PPARGC1B: variants seen among roughly 807,000 people sequenced by gnomAD.
PPARGC1B encodes the protein peroxisome proliferator-activated receptor gamma coactivator 1-beta.
In PPARGC1B, 34 loss-of-function variants were observed where a neutral mutation model predicts 101.6. The observed-to-expected ratio is 0.33, with a 90% confidence interval of 0.25 to 0.45. PPARGC1B has a LOEUF of 0.45. PPARGC1B is among the 20% of genes least tolerant of loss of function. The probability of loss-of-function intolerance (pLI) is 1.00; values close to 1 mark genes in which losing one functional copy is unlikely to be tolerated. For synonymous variants in PPARGC1B, 548 were observed against 539.3 expected (o/e 1.02, Z -0.22); for missense variants, 1,234 against 1,317.6 (o/e 0.94, Z 0.98).
Position 149,730,564 on chromosome 5 carries a change from C to T in PPARGC1B, c.78+144C>T. ...GCTGCAGAGCCCCCCTTCCAGGCGCCCTGCGATGCGCTCCGTTACCGGGGC... is the reference window on the plus strand; with the variant it reads ...GCTGCAGAGCCCCCCTTCCAGGCGCTCTGCGATGCGCTCCGTTACCGGGGC... On this transcript the variant is annotated intron_variant, in intron 1 of 11. Coordinates refer to ENST00000309241, the MANE Select transcript of PPARGC1B (RefSeq NM_133263.4). This position sits in a 1 kb window ranked among gnomAD's most constrained non-coding sequence, Gnocchi z 4.0. 2 of 594,276 alleles carry T rather than the reference C, an allele frequency of 3.4e-6. No homozygotes were observed. The highest frequency in any genetic ancestry group is 5.6e-6 in the Non-Finnish European group (2 of 358,128). 36.8% of individuals were successfully genotyped at this position (594,276 alleles called of 1,614,324 possible).
At position 149,847,871 on chromosome 5, in the gene PPARGC1B, G is replaced by A. The variant is rs1759630664; in HGVS notation, c.*313G>A. The A allele has an allele frequency of 2.6e-6, 1 of 379,040 alleles. No individual in the cohort carries two copies. The allele number at this position is 379,040 out of a possible 1,614,324, so 23.5% of individuals were successfully genotyped here. On this transcript the variant is annotated 3_prime_UTR_variant, in exon 12 of 12. Coordinates refer to ENST00000309241, the MANE Select transcript of PPARGC1B (RefSeq NM_133263.4). Reference sequence around the variant, plus strand: ...ACCCATCGCCCCTTCCTTCCCGACTGACTTCCTCTCGTAGACTTGCAGCTG... The same window carrying A: ...ACCCATCGCCCCTTCCTTCCCGACTAACTTCCTCTCGTAGACTTGCAGCTG...
chr5:149,759,712 C>T (rs1021846651), intron 1 of PPARGC1B, among the ~76,000 whole-genome samples: 2 of 152,212 alleles, frequency 1.3e-5, no homozygotes, highest in South Asian at 2.1e-4. Context: ...TTGAAAATGA[C>T]CCACATCCTT....
chr5:149,839,690 T>TA (rs1009133455), intron 8 of PPARGC1B, among the ~76,000 whole-genome samples: 2 of 151,524 alleles, frequency 1.3e-5, no homozygotes, highest in South Asian at 2.1e-4. Flanking sequence ...TCATGGGGTT[T>TA]AAAAAAAAAT....
At chr5:149,739,602 T>A (rs1463656248) in intron 1 of PPARGC1B, among the ~76,000 whole-genome samples, 1 of 152,084 alleles carries the variant, frequency 6.6e-6, no homozygotes. Flanking sequence ...ATTTCCAGTG[T>A]CAGGTCTTGC....
chr5:149,755,052 C>CATACATATATATATATATAT (rs1554132275), intron 1 of PPARGC1B, among the ~76,000 whole-genome samples: 1 of 108,956 alleles, frequency 9.2e-6, no homozygotes, highest in African/African-American at 3.8e-5. Context: ...TATACATATA[C>CATACATATATATATATATAT]ATATATATAT....
intron 10 of PPARGC1B, among the ~76,000 whole-genome samples, chr5:149,842,876 C>T (rs1759405841): frequency 6.6e-6 from 1 of 152,234 alleles, no homozygotes. Flanking sequence ...AGCAGCAAGT[C>T]CCAGGCCTTG....
chr5:149,792,627 T>A (rs1354120724), intron 1 of PPARGC1B, among the ~76,000 whole-genome samples: 3 of 152,230 alleles, frequency 2.0e-5, no homozygotes, highest in Admixed American at 2.0e-4. Flanking sequence ...AGTTTTCCCA[T>A]CTGCAAAGTG....
At chr5:149,761,274 G>C (rs1336227613) in intron 1 of PPARGC1B, among the ~76,000 whole-genome samples, 1 of 152,196 alleles carries the variant, frequency 6.6e-6, no homozygotes, top group African/African-American at 2.4e-5. Flanking sequence ...TGTGTGTGTG[G>C]TGAGAACGTT....
At chr5:149,795,948 A>T (rs1757198359) in intron 1 of PPARGC1B, among the ~76,000 whole-genome samples, 1 of 152,142 alleles carries the variant, frequency 6.6e-6, no homozygotes, top group Admixed American at 6.5e-5. Context: ...ATTGAGTGAC[A>T]TGATGCATGT....
At position 149,742,778 on chromosome 5, in the gene PPARGC1B, A is replaced by T. The variant is rs58479968; in HGVS notation, c.78+12358A>T. ...TAGCTAGGAAGTAGGCTGGGATTTGAACCTAGGTTTGTCTGACTTCAGAGC... is the reference window on the plus strand; with the variant it reads ...TAGCTAGGAAGTAGGCTGGGATTTGTACCTAGGTTTGTCTGACTTCAGAGC... On this transcript the variant is annotated intron_variant, in intron 1 of 11. Transcript: ENST00000309241. 9.0e-3 allele frequency among the ~76,000 whole-genome samples: 1,372 copies of T among 152,284 alleles called. 15 individuals are homozygous for T. The highest frequency in any genetic ancestry group is 0.031 in the African/African-American group (1,305 of 41,548).
intron 1 of PPARGC1B, among the ~76,000 whole-genome samples, chr5:149,774,024 C>T (rs13189937): frequency 0.19 from 28,993 of 152,236 alleles, 3,029 homozygotes; most frequent in East Asian, 0.25. Flanking sequence ...CTCAGGGCTC[C>T]AGCCTGAGCC....
At chr5:149,817,176 G>C (rs1473203789) in intron 1 of PPARGC1B, among the ~76,000 whole-genome samples, 1 of 152,170 alleles carries the variant, frequency 6.6e-6, no homozygotes, top group African/African-American at 2.4e-5. Context: ...TCTCCTTCAA[G>C]AAGTTTTTCC....
At chr5:149,792,809 A>T (rs750176414) in intron 1 of PPARGC1B, among the ~76,000 whole-genome samples, 1 of 152,154 alleles carries the variant, frequency 6.6e-6, no homozygotes, top group African/African-American at 2.4e-5. Flanking sequence ...ACCCCTTTGC[A>T]GTTTGCACTG....
At chr5:149,834,398 G>A (rs1206132736) in intron 5 of PPARGC1B, among the ~76,000 whole-genome samples, 1 of 152,208 alleles carries the variant, frequency 6.6e-6, no homozygotes, top group Non-Finnish European at 1.5e-5. Context: ...TTAGAGTCAA[G>A]TTCTTCCTCA....
chr5:149,739,240 C>G (rs1403891064), intron 1 of PPARGC1B, among the ~76,000 whole-genome samples: 1 of 152,238 alleles, frequency 6.6e-6, no homozygotes, highest in Non-Finnish European at 1.5e-5. Context: ...CTTATTCCAT[C>G]TCCATGTACA....
chr5:149,836,137 C>A (rs1759062986), intron 7 of PPARGC1B, 126 bp from the exon 8 acceptor site: 8 of 794,286 alleles, frequency 1.0e-5, no homozygotes, highest in Admixed American at 4.8e-5. Flanking sequence ...AATCCACCCA[C>A]CTCACCCTCC....
chr5:149,790,626 C>A (rs988143811), intron 1 of PPARGC1B, among the ~76,000 whole-genome samples: 1 of 152,074 alleles, frequency 6.6e-6, no homozygotes, highest in Non-Finnish European at 1.5e-5. Context: ...TGTACAAGTG[C>A]CCTTGTTTGG....
At chr5:149,749,099 A>G (rs1189903448) in intron 1 of PPARGC1B, among the ~76,000 whole-genome samples, 1 of 152,170 alleles carries the variant, frequency 6.6e-6, no homozygotes, top group Admixed American at 6.5e-5. Context: ...GTCCTGACTC[A>G]AGTCCCTGGC....
chr5:149,842,820 C>T (rs922431637), intron 10 of PPARGC1B, among the ~76,000 whole-genome samples: 1 of 152,224 alleles, frequency 6.6e-6, no homozygotes, highest in Non-Finnish European at 1.5e-5. Flanking sequence ...GGACTCCACT[C>T]TACCTCAGCC....
Sources: gnomAD v4.1 joint callset for allele counts (sites outside exome capture counted in the v4.1 genomes callset) on GRCh38, gnomAD v4.1.1 for gene constraint, Gnocchi (gnomAD v3.1) non-coding constraint, MANE v1.5 for transcripts, NCBI Gene and HGNC (gene_info 2026-07-23, HGNC 2026-07-21) for gene names.